Variants in SNTB1 observed in about 807,000 individuals in gnomAD.
The protein encoded by SNTB1 is beta-1-syntrophin.
SNTB1 carries 36 observed loss-of-function variants against 48.9 expected under a neutral mutation model. The ratio of observed to expected loss-of-function variants is 0.74; its 90% CI spans 0.56 to 0.97. The LOEUF is 0.97. SNTB1 is among the 50% of genes least tolerant of loss of function. The pLI is 0.00. For synonymous variants in SNTB1, 299 were observed against 294.6 expected (o/e 1.01, Z -0.15); for missense variants, 786 against 703.4 (o/e 1.12, Z -1.33).
At chr8:120,569,705 T>C (rs1332895416) in intron 4 of SNTB1, among the ~76,000 whole-genome samples, 1 of 152,174 alleles carries the variant, frequency 6.6e-6, no homozygotes, top group Non-Finnish European at 1.5e-5. Flanking sequence ...TGATAGAATT[T>C]TGGTGGTGAT....
At position 120,553,315 on chromosome 8, in the gene SNTB1, C is replaced by T. The variant is rs149596940; in HGVS notation, c.1137-4357G>A. 6.4e-3 allele frequency among the ~76,000 whole-genome samples: 973 copies of T among 152,334 alleles called. 11 individuals are homozygous for T. The highest frequency in any genetic ancestry group is 0.022 in the African/African-American group (932 of 41,576). ...CCTTGATTTGCCATCTGAGGAACAG[C>T]AGACATGTTGAATTATGTGTCCTTT... On this transcript the variant is annotated intron_variant, in intron 4 of 6. Coordinates refer to ENST00000517992, the MANE Select transcript of SNTB1 (RefSeq NM_021021.4).
chr8:120,783,906 T>C (rs1451747681), intron 1 of SNTB1, among the ~76,000 whole-genome samples: 1 of 152,258 alleles, frequency 6.6e-6, no homozygotes, highest in Non-Finnish European at 1.5e-5. Context: ...ATTTAGATTG[T>C]ACTAGGTATT....
chr8:120,630,798 A>C (rs959077541), intron 3 of SNTB1, among the ~76,000 whole-genome samples: 4 of 152,224 alleles, frequency 2.6e-5, no homozygotes, highest in Non-Finnish European at 5.9e-5. Context: ...TATCCAAGTT[A>C]ACCCAATTAG....
intron 1 of SNTB1, among the ~76,000 whole-genome samples, chr8:120,794,387 C>G (rs1427306133): frequency 6.6e-6 from 1 of 152,016 alleles, no homozygotes; most frequent in Non-Finnish European, 1.5e-5. Flanking sequence ...CCCCTTCCTT[C>G]ACTTCTTTCA....
At chr8:120,728,833 T>C (rs1028969453) in intron 1 of SNTB1, among the ~76,000 whole-genome samples, 9 of 152,242 alleles carry the variant, frequency 5.9e-5, no homozygotes, top group African/African-American at 2.2e-4. Context: ...TAGAACATTT[T>C]GTTTTCTAGG....
intron 3 of SNTB1, among the ~76,000 whole-genome samples, chr8:120,628,087 T>C (rs1027809847): frequency 6.6e-6 from 1 of 152,216 alleles, no homozygotes; most frequent in African/African-American, 2.4e-5. Flanking sequence ...AGCTGATACC[T>C]GAACTTGCAT....
At chr8:120,595,744 C>T (rs1335328985) in intron 3 of SNTB1, among the ~76,000 whole-genome samples, 10 of 152,112 alleles carry the variant, frequency 6.6e-5, no homozygotes, top group South Asian at 2.1e-4. Context: ...CTACCACGCC[C>T]GGCTAATTTT....
chr8:120,671,533 A>G (rs1484362224), intron 2 of SNTB1, among the ~76,000 whole-genome samples: 1 of 152,228 alleles, frequency 6.6e-6, no homozygotes, highest in Non-Finnish European at 1.5e-5. Context: ...TACCAAGGAC[A>G]CTAGAAGAAG....
chr8:120,579,524 A>C (rs1484040310), intron 3 of SNTB1, among the ~76,000 whole-genome samples: 1 of 152,166 alleles, frequency 6.6e-6, no homozygotes, highest in African/African-American at 2.4e-5. Context: ...CTAGAAATAC[A>C]AAAATTAGCT....
At chr8:120,654,798 T>G in intron 2 of SNTB1, 1 of 333,402 alleles carries the variant, frequency 3.0e-6, no homozygotes, top group South Asian at 2.4e-5. Flanking sequence ...ATGAGGCTAA[T>G]ACATAAAACT....
chr8:120,638,604 T>C (rs183028744), intron 2 of SNTB1, among the ~76,000 whole-genome samples: 227 of 152,208 alleles, frequency 1.5e-3, no homozygotes, highest in African/African-American at 5.1e-3. Context: ...CCCCTTCCTG[T>C]GTCCAAGTGT....
chr8:120,657,031 A>G (rs1817513215), intron 2 of SNTB1, among the ~76,000 whole-genome samples: 2 of 152,244 alleles, frequency 1.3e-5, no homozygotes, highest in South Asian at 4.1e-4. Flanking sequence ...AATGATTCAG[A>G]GTTGGAAAGA....
chr8:120,566,130 T>C (rs1815744490), intron 4 of SNTB1, among the ~76,000 whole-genome samples: 1 of 151,942 alleles, frequency 6.6e-6, no homozygotes, highest in African/African-American at 2.4e-5. Flanking sequence ...GGTTGTGGTG[T>C]CCCTATTAAA....
intron 1 of SNTB1, among the ~76,000 whole-genome samples, chr8:120,710,029 C>A (rs1442642059): frequency 2.6e-5 from 4 of 152,058 alleles, no homozygotes; most frequent in African/African-American, 7.3e-5. Flanking sequence ...TATGTAACAC[C>A]CTAGAGCCAT....
intron 1 of SNTB1, among the ~76,000 whole-genome samples, chr8:120,789,903 T>G (rs889439734): frequency 6.6e-6 from 1 of 151,986 alleles, no homozygotes; most frequent in African/African-American, 2.4e-5. Context: ...AGTATCACCC[T>G]GATACCAAAA....
intron 1 of SNTB1, among the ~76,000 whole-genome samples, chr8:120,704,455 CA>C (rs111743651): frequency 3.1e-4 from 45 of 146,504 alleles, no homozygotes; most frequent in African/African-American, 3.5e-4. Flanking sequence ...GACTTTGTGT[CA>C]AAAAAAAAAG....
intron 2 of SNTB1, among the ~76,000 whole-genome samples, chr8:120,682,692 G>A (rs1817952204): frequency 2.0e-5 from 3 of 152,236 alleles, no homozygotes; most frequent in Middle Eastern, 3.4e-3. Flanking sequence ...ATACTGACAT[G>A]TATGTAGGTG....
chr8:120,593,085 C>T (rs1465812515), intron 3 of SNTB1, among the ~76,000 whole-genome samples: 5 of 152,128 alleles, frequency 3.3e-5, no homozygotes, highest in Admixed American at 1.3e-4. Context: ...CTCAGACACT[C>T]CTATCTTGCT....
chr8:120,578,200 AT>A (rs369383766), intron 3 of SNTB1, among the ~76,000 whole-genome samples: 58 of 146,888 alleles, frequency 3.9e-4, no homozygotes, highest in Middle Eastern at 3.5e-3. Flanking sequence ...CGCCCGGCTA[AT>A]TTTTTTTTTT....
Sources: gnomAD v4.1 joint callset for allele counts (sites outside exome capture counted in the v4.1 genomes callset) on GRCh38, gnomAD v4.1.1 for gene constraint, MANE v1.5 for transcripts, NCBI Gene and HGNC (gene_info 2026-07-23, HGNC 2026-07-21) for gene names.